WDFY4: variants seen among roughly 807,000 people sequenced by gnomAD.
WDFY4 encodes the protein WD repeat- and FYVE domain-containing protein 4.
WDFY4 carries 169 observed loss-of-function variants against 351.9 expected under a neutral mutation model. The observed-to-expected ratio is 0.48, with a 90% CI of 0.42 to 0.55. The LOEUF is 0.55. WDFY4 is among the 20% of genes least tolerant of loss of function. The pLI is 0.00. For missense variants in WDFY4, 3,803 were observed against 3,935.6 expected, an observed-to-expected ratio of 0.97 and a Z score of 0.90; for synonymous variants, 1,622 against 1,574.6, an observed-to-expected ratio of 1.03 and a Z score of -0.71.
intron 47 of WDFY4, among the ~76,000 whole-genome samples, chr10:48,939,599 G>A (rs1414605006): frequency 6.6e-6 from 1 of 152,186 alleles, no homozygotes; most frequent in Non-Finnish European, 1.5e-5. Flanking sequence ...GATGGATGAT[G>A]GATGATGCGG....
intron 12 of WDFY4, among the ~76,000 whole-genome samples, chr10:48,751,306 G>A (rs1224760304): frequency 2.0e-5 from 3 of 152,360 alleles, no homozygotes; most frequent in African/African-American, 7.2e-5. Flanking sequence ...GCATAAAGGT[G>A]AGACTCAAAA....
At chr10:48,903,304 T>A (rs373279613) in intron 47 of WDFY4, among the ~76,000 whole-genome samples, 26 of 151,978 alleles carry the variant, frequency 1.7e-4, no homozygotes, top group African/African-American at 6.3e-4. Flanking sequence ...ATGGGAAGCG[T>A]TGGAGGATTT....
chr10:48,837,207 C>T (rs1185385342), intron 39 of WDFY4, among the ~76,000 whole-genome samples: 1 of 151,342 alleles, frequency 6.6e-6, no homozygotes, highest in Non-Finnish European at 1.5e-5. Context: ...TAGGAAGGGG[C>T]CATGGAGGAG....
intron 13 of WDFY4, among the ~76,000 whole-genome samples, chr10:48,762,402 G>A (rs1350287184): frequency 6.6e-6 from 1 of 152,226 alleles, no homozygotes; most frequent in African/African-American, 2.4e-5. Flanking sequence ...ATGGGAAAGT[G>A]CTGTGAAGCC....
chr10:48,849,561 A>C (rs1280851114), intron 39 of WDFY4, among the ~76,000 whole-genome samples: 1 of 152,238 alleles, frequency 6.6e-6, no homozygotes, highest in Non-Finnish European at 1.5e-5. Context: ...CAGGGAGCAG[A>C]GACTCCCATT....
chr10:48,723,979 G>A (rs1422776782), intron 5 of WDFY4, among the ~76,000 whole-genome samples: 2 of 152,052 alleles, frequency 1.3e-5, no homozygotes, highest in Non-Finnish European at 2.9e-5. Flanking sequence ...CATGTTCTCG[G>A]TGCCTCTTCC....
intron 47 of WDFY4, among the ~76,000 whole-genome samples, chr10:48,936,940 A>G (rs1318629105): frequency 6.6e-6 from 1 of 150,988 alleles, no homozygotes; most frequent in East Asian, 2.0e-4. Context: ...TTTTTTTGAG[A>G]CATAGTCTCA....
intron 26 of WDFY4, 30 bp from the exon 27 acceptor site, chr10:48,805,974 G>C: frequency 1.9e-6 from 3 of 1,549,278 alleles, no homozygotes; most frequent in Non-Finnish European, 2.6e-6. Flanking sequence ...GCCCGCCTGC[G>C]AGCCTGTCCT....
In WDFY4 at chr10:48,901,839, C is replaced by T. The variant is rs997531259; in HGVS notation, c.7562C>T (p.Thr2521Ile). 9 of 1,551,598 alleles carry T rather than the reference C, an allele frequency of 5.8e-6. No homozygotes were observed. Among genetic ancestry groups the T allele is most frequent in the South Asian group, 1.2e-5 (1 of 84,062 alleles). Reference sequence around the variant, plus strand: ...CAACCCAGCCTGAAGGGGAAAGCCACCTCGGAGGACACCCTCAGTCTAAGG... The same window carrying T: ...CAACCCAGCCTGAAGGGGAAAGCCATCTCGGAGGACACCCTCAGTCTAAGG... ...SFQPSLKGKA[T>I]SEDTLSLRRY... Residue 2521 changes from threonine to isoleucine, a missense_variant, in exon 47 of 62, where the codon ACC becomes ATC. This residue lies in a region of WDFY4 where 3,054 missense variants were observed against 3,148.6 expected (regional missense o/e 0.97). Coordinates refer to ENST00000325239, the MANE Select transcript of WDFY4 (RefSeq NM_001394531.1).
At chr10:48,823,786 C>G (rs1470944473) in intron 35 of WDFY4, 1 of 989,258 alleles carries the variant, frequency 1.0e-6, no homozygotes, top group Non-Finnish European at 1.2e-6. Flanking sequence ...CTCGGCTCCC[C>G]ACATATCCAC....
intron 31 of WDFY4, among the ~76,000 whole-genome samples, chr10:48,815,753 C>G (rs1434114211): frequency 6.6e-6 from 1 of 151,576 alleles, no homozygotes; most frequent in East Asian, 1.9e-4. Context: ...TTTCTTTTAG[C>G]CAGTTTCCTA....
intron 54 of WDFY4, among the ~76,000 whole-genome samples, chr10:48,964,599 T>G (rs1461347535): frequency 6.6e-6 from 1 of 152,224 alleles, no homozygotes; most frequent in Non-Finnish European, 1.5e-5. Context: ...GGTCTAAAGC[T>G]TGCACCATGT....
chr10:48,915,478 C>G (rs1448562726), intron 47 of WDFY4, among the ~76,000 whole-genome samples: 1 of 151,892 alleles, frequency 6.6e-6, no homozygotes, highest in East Asian at 1.9e-4. Flanking sequence ...GAGACACAAA[C>G]TTGCATTGCC....
At chr10:48,961,334 G>A (rs891670222) in intron 53 of WDFY4, among the ~76,000 whole-genome samples, 3 of 152,230 alleles carry the variant, frequency 2.0e-5, no homozygotes, top group Non-Finnish European at 2.9e-5. Context: ...CCAGAGTGTT[G>A]CTGGAATGAT....
intron 13 of WDFY4, among the ~76,000 whole-genome samples, chr10:48,762,268 G>C (rs538172933): frequency 6.6e-6 from 1 of 152,358 alleles, no homozygotes; most frequent in East Asian, 1.9e-4. Flanking sequence ...CTGTTTCCAG[G>C]AAAGGAAATC....
chr10:48,701,849 T>A (rs2063488595), intron 1 of WDFY4, among the ~76,000 whole-genome samples: 1 of 152,028 alleles, frequency 6.6e-6, no homozygotes. Context: ...GAGATAAAAA[T>A]GCAGAGCTAC....
At chr10:48,948,155 C>T (rs1365943075) in intron 51 of WDFY4, among the ~76,000 whole-genome samples, 1 of 152,210 alleles carries the variant, frequency 6.6e-6, no homozygotes, top group African/African-American at 2.4e-5. Flanking sequence ...GTCCTCCTGT[C>T]TTCCATTACT....
intron 60 of WDFY4, among the ~76,000 whole-genome samples, chr10:48,981,103 C>A (rs1426600674): frequency 1.3e-5 from 2 of 152,122 alleles, no homozygotes; most frequent in East Asian, 3.9e-4. Context: ...ATTTAGAAAG[C>A]AATAATACAC....
intron 55 of WDFY4, chr10:48,968,785 G>A: frequency 2.3e-6 from 1 of 444,212 alleles, no homozygotes; most frequent in Non-Finnish European, 4.1e-6. Flanking sequence ...GCTGGGGCTG[G>A]GGGTGGCTCC....
Sources: gnomAD v4.1 joint callset for allele counts (sites outside exome capture counted in the v4.1 genomes callset) on GRCh38, gnomAD v4.1.1 for gene constraint, gnomAD v4.1.1 regional missense constraint, MANE v1.5 for transcripts, NCBI Gene and HGNC (gene_info 2026-07-23, HGNC 2026-07-21) for gene names.